SESN3: variants seen among roughly 807,000 people sequenced by gnomAD.
SESN3 encodes sestrin-3.
A neutral mutation model predicts 55.3 loss-of-function variants in SESN3; 21 were observed. The observed-to-expected ratio is 0.38, with a 90% CI of 0.27 to 0.55. The LOEUF (loss-of-function observed/expected upper bound fraction) is 0.55. SESN3 is among the 20% of genes least tolerant of loss of function. The pLI is 0.76. For missense variants in SESN3, 408 were observed against 604.3 expected, an observed-to-expected ratio of 0.68 and a Z score of 3.41; for synonymous variants, 181 against 203.1, an observed-to-expected ratio of 0.89 and a Z score of 0.93.
At chr11:95,184,100 A>G in intron 6 of SESN3, 1 of 371,732 alleles carries the variant, frequency 2.7e-6, no homozygotes, top group Non-Finnish European at 4.8e-6. Context: ...TTCACTTATC[A>G]TTTTTAAAAA....
Position 95,177,800 on chromosome 11 carries a change from G to T in SESN3, c.1166C>A (p.Thr389Asn), listed in dbSNP as rs1438084323. The T allele has an allele frequency of 1.2e-6, 2 of 1,608,244 alleles. No homozygotes were observed. The highest frequency in any genetic ancestry group is 1.7e-6 in the Non-Finnish European group (2 of 1,178,308). The change falls in exon 8 of 10, where the codon ACT becomes AAT. Residue 389 changes from threonine to asparagine, a missense_variant. Physicochemically the swap from Thr to Asn is moderately conservative, Grantham distance 65. Around this residue, in one of 4 missense-constraint regions of SESN3, gnomAD observed 121 missense variants for 204.9 expected, o/e 0.59. Coordinates refer to ENST00000536441, the MANE Select transcript of SESN3 (RefSeq NM_144665.4). ...FRMVYNLTYN[T>N]MATHEDVDTT... ...GTCAACATCCTCATGGGTGGCCATA[G>T]TGTTATATGTGAGATTGTAGACCAT...
At chr11:95,201,522 C>G (rs560021340) in intron 1 of SESN3, among the ~76,000 whole-genome samples, 1 of 152,158 alleles carries the variant, frequency 6.6e-6, no homozygotes, top group East Asian at 1.9e-4. Flanking sequence ...ACATAGTGAA[C>G]TTGTTCTAAG....
At chr11:95,206,802 A>AT (rs34619858) in intron 1 of SESN3, among the ~76,000 whole-genome samples, 4,843 of 145,528 alleles carry the variant, frequency 0.033, 243 homozygotes, top group African/African-American at 0.11. Flanking sequence ...AAACATTACT[A>AT]TTTTTTTTTT....
chr11:95,225,318 C>T (rs74414042), intron 1 of SESN3, among the ~76,000 whole-genome samples: 1 of 152,198 alleles, frequency 6.6e-6, no homozygotes. Context: ...AGAACTGCTG[C>T]TTTATCTTAT....
rs116990570 is a variant in SESN3 at position 95,223,196 on chromosome 11, G to C, written c.78+7587C>G. Among the ~76,000 whole-genome samples, 83 of 148,364 alleles carry C rather than the reference G, an allele frequency of 5.6e-4. 5 individuals are homozygous for C. The East Asian group carries it at 0.017, about 30-fold the overall frequency. On this transcript the variant is annotated intron_variant, in intron 1 of 9. Transcript: ENST00000536441. ...GCAAACCCACCACACACACACAATA[G>C]AAAGTCCACTATACCTTTGAGGATT... is the stretch of plus-strand genomic sequence containing the variant.
rs534914822 is a variant in SESN3 at position 95,175,783 on chromosome 11, C to T, written c.1248-141G>A. The T allele has an allele frequency of 1.5e-4, 105 of 686,744 alleles. 1 individual carries two copies. The South Asian group carries it at 2.0e-3, about 13-fold the overall frequency. The allele number at this position is 686,744 out of a possible 1,614,324, so 42.5% of individuals were successfully genotyped here. A position where few individuals can be genotyped will look rare whatever the true frequency, so the allele number is the denominator to read the frequency against. On this transcript the variant is annotated intron_variant, in intron 8 of 9. Coordinates refer to ENST00000536441, the MANE Select transcript of SESN3 (RefSeq NM_144665.4). ...TGAATCAACAAATGTTTACTGAGTA[C>T]CCATTATGTGCCATGAGTACTCAGT...
chr11:95,182,998 C>T (rs1279746931), intron 6 of SESN3, among the ~76,000 whole-genome samples: 6 of 152,118 alleles, frequency 3.9e-5, no homozygotes, highest in Non-Finnish European at 7.4e-5. Flanking sequence ...TCTGCCTACA[C>T]CCTTTGCCTA....
At chr11:95,231,523 C>T (rs139617720), upstream of SESN3, 1,006 of 170,438 alleles carry the variant, frequency 5.9e-3, 2 homozygotes, top group Middle Eastern at 0.013. Context: ...GCCCTCCAAG[C>T]CCCACCCCCA....
intron 6 of SESN3, among the ~76,000 whole-genome samples, chr11:95,180,610 T>C (rs1439958877): frequency 1.3e-5 from 2 of 152,136 alleles, no homozygotes; most frequent in East Asian, 3.8e-4. Context: ...GGAAGAAATA[T>C]CCATTTAAGA....
At chr11:95,194,139 T>C (rs1002480669) in intron 1 of SESN3, among the ~76,000 whole-genome samples, 2 of 151,324 alleles carry the variant, frequency 1.3e-5, no homozygotes, top group Non-Finnish European at 2.9e-5. Context: ...TGAATGCTGA[T>C]TTTTTTTTAA....
chr11:95,218,931 C>T (rs912972438), intron 1 of SESN3, among the ~76,000 whole-genome samples: 1 of 152,206 alleles, frequency 6.6e-6, no homozygotes, highest in Non-Finnish European at 1.5e-5. Context: ...GGATTACAGG[C>T]GTGAGCCGCC....
intron 8 of SESN3, among the ~76,000 whole-genome samples, chr11:95,176,081 T>G (rs1028249994): frequency 1.3e-5 from 2 of 151,920 alleles, no homozygotes; most frequent in African/African-American, 4.8e-5. Flanking sequence ...GAGGTAGGAG[T>G]CAAGTGTTTC....
At position 95,185,267 on chromosome 11, in the gene SESN3, T is replaced by C; in HGVS notation, c.751A>G (p.Ser251Gly). 6.2e-7 allele frequency: 1 copy of C among 1,601,744 alleles called. No homozygotes were observed. Among genetic ancestry groups the C allele is most frequent in the Non-Finnish European group, 8.5e-7 (1 of 1,170,048 alleles). ...NNIENASLSG[S>G]NFGIVDSLSE... ...CTAAGAAAACTAACCCCAAAGTTGC[T>C]GCCTGAAAGAGATGCATTCTCTATG... The change falls in exon 5 of 10, where the codon AGC becomes GGC. Residue 251 changes from serine (S) to glycine (G), a missense_variant. By Grantham distance (56) the Ser-to-Gly change is moderately conservative. Transcript: ENST00000536441.
chr11:95,230,887 C>A lies in SESN3; in HGVS notation c.-27G>T, dbSNP rs1485923828. On this transcript the variant is annotated 5_prime_UTR_variant, in exon 1 of 10. Coordinates refer to ENST00000536441, the MANE Select transcript of SESN3 (RefSeq NM_144665.4). This position sits in a 1 kb window ranked among gnomAD's most constrained non-coding sequence, Gnocchi z 4.6. ...GTGGCTGCGGGCGCCGAGGCGAGAGCGGGCGGAGGGCCGGGTCCGGGCTGT... is the reference window on the plus strand; with the variant it reads ...GTGGCTGCGGGCGCCGAGGCGAGAGAGGGCGGAGGGCCGGGTCCGGGCTGT... 1.3e-6 allele frequency: 2 copies of A among 1,529,822 alleles called. No individual in the cohort carries two copies. Among genetic ancestry groups the A allele is most frequent in the African/African-American group, 1.4e-5 (1 of 69,346 alleles). 94.8% of individuals were successfully genotyped at this position (1,529,822 alleles called of 1,614,324 possible). A position where few individuals can be genotyped will look rare whatever the true frequency, so the allele number is the denominator to read the frequency against.
At position 95,230,700 on chromosome 11, in the gene SESN3, A is replaced by C. The variant is rs1861040623; in HGVS notation, c.78+83T>G. ...CCGGGGATCCCTCTCAGCCTCCCCC[A>C]GTGCGCGCCCGGGGACGAGCCGCCC... On this transcript the variant is annotated intron_variant, in intron 1 of 9. Transcript: ENST00000536441. The surrounding 1 kb of genome is among the most constrained non-coding windows in gnomAD (Gnocchi z 4.6). 1 of 989,384 alleles carries C rather than the reference A, an allele frequency of 1.0e-6. No homozygotes were observed. The highest frequency in any genetic ancestry group is 1.5e-6 in the Non-Finnish European group (1 of 650,200). The allele number at this position is 989,384 out of a possible 1,614,324, so 61.3% of individuals were successfully genotyped here.
At chr11:95,216,197 A>G (rs1591074857) in intron 1 of SESN3, among the ~76,000 whole-genome samples, 1 of 152,252 alleles carries the variant, frequency 6.6e-6, no homozygotes, top group East Asian at 1.9e-4. Context: ...AGTGCTCTAC[A>G]CCTTCTGTCA....
At chr11:95,180,232 T>C (rs1412968376) in intron 6 of SESN3, among the ~76,000 whole-genome samples, 1 of 152,208 alleles carries the variant, frequency 6.6e-6, no homozygotes, top group Non-Finnish European at 1.5e-5. Flanking sequence ...AGACAAACTA[T>C]AATTCTTAAC....
At chr11:95,213,817 A>G (rs1397257400) in intron 1 of SESN3, among the ~76,000 whole-genome samples, 1 of 152,192 alleles carries the variant, frequency 6.6e-6, no homozygotes, top group Non-Finnish European at 1.5e-5. Context: ...ACCCAATCCT[A>G]TATCTAAGCT....
At position 95,167,590 on chromosome 11, in the gene SESN3, T is replaced by C. The variant is rs1317132442; in HGVS notation, c.*5665A>G. On this transcript the variant is annotated 3_prime_UTR_variant, in exon 10 of 10. Coordinates refer to ENST00000536441, the MANE Select transcript of SESN3 (RefSeq NM_144665.4). ...TACAAACCGCCTCATTCAGTCTCCATTATTAAGTCTCATTTCTTAACTAGG... is the reference window on the plus strand; with the variant it reads ...TACAAACCGCCTCATTCAGTCTCCACTATTAAGTCTCATTTCTTAACTAGG... 1 of 152,192 alleles carries C rather than the reference T, an allele frequency of 6.6e-6. No homozygotes were observed. The highest frequency in any genetic ancestry group is 2.4e-5 in the African/African-American group (1 of 41,444). 9.4% of individuals were successfully genotyped at this position (152,192 alleles called of 1,614,324 possible).
Sources: gnomAD v4.1 joint callset for allele counts (sites outside exome capture counted in the v4.1 genomes callset) on GRCh38, gnomAD v4.1.1 for gene constraint, gnomAD v4.1.1 regional missense constraint, Gnocchi (gnomAD v3.1) non-coding constraint, MANE v1.5 for transcripts, NCBI Gene and HGNC (gene_info 2026-07-23, HGNC 2026-07-21) for gene names.